Variants in LINGO2 observed in about 807,000 individuals in gnomAD.
LINGO2 encodes the protein leucine-rich repeat and immunoglobulin-like domain-containing nogo receptor-interacting protein 2.
Under a neutral mutation model 30.6 loss-of-function variants are expected in LINGO2, and 14 were observed. The ratio of observed to expected loss-of-function variants is 0.46; its 90% CI spans 0.30 to 0.72. The LOEUF (loss-of-function observed/expected upper bound fraction) is 0.72, where lower values mean the gene tolerates loss of function less well. Ranked by LOEUF, LINGO2 falls within the 30% of genes least tolerant of loss-of-function variation. LINGO2 has a pLI of 0.07. For missense variants in LINGO2, 729 were observed against 751.7 expected (o/e 0.97, Z 0.35); for synonymous variants, 317 against 288.5 (o/e 1.10, Z -1.00).
chr9:29,020,905 T>C, the LINGO2 span, among the ~76,000 whole-genome samples: 2 of 152,124 alleles, frequency 1.3e-5, no homozygotes, highest in Non-Finnish European at 2.9e-5. Context: ...CAAGGCATTT[T>C]TAAAATTAAA....
At chr9:28,262,009 A>G (rs1822579857) in intron 4 of LINGO2, among the ~76,000 whole-genome samples, 1 of 152,008 alleles carries the variant, frequency 6.6e-6, no homozygotes, top group African/African-American at 2.4e-5. Flanking sequence ...AGTTTGAATT[A>G]TATATTAAAT....
At chr9:28,889,498 ATG>A in the LINGO2 span, among the ~76,000 whole-genome samples, 1 of 152,032 alleles carries the variant, frequency 6.6e-6, no homozygotes, top group South Asian at 2.1e-4. Flanking sequence ...CTGGATATAA[ATG>A]TGTGATGATG....
intron 1 of LINGO2, among the ~76,000 whole-genome samples, chr9:28,545,469 A>G (rs554994982): frequency 6.6e-6 from 1 of 152,256 alleles, no homozygotes; most frequent in East Asian, 1.9e-4. Context: ...ATCTGCAAAA[A>G]TAAGTCTGGA....
chr9:28,167,565 T>G (rs1400419963), intron 4 of LINGO2, among the ~76,000 whole-genome samples: 1 of 152,182 alleles, frequency 6.6e-6, no homozygotes, highest in Non-Finnish European at 1.5e-5. Context: ...TTTGTTATTT[T>G]TAGTAGAGGT....
chr9:28,310,964 T>C (rs757646088), intron 3 of LINGO2, among the ~76,000 whole-genome samples: 40 of 152,312 alleles, frequency 2.6e-4, no homozygotes, highest in Non-Finnish European at 4.9e-4. Flanking sequence ...TCAACAATAC[T>C]AATATTGGGG....
chr9:28,738,065 G>A, the LINGO2 span, among the ~76,000 whole-genome samples: 1 of 152,084 alleles, frequency 6.6e-6, no homozygotes, highest in South Asian at 2.1e-4. Flanking sequence ...TCCCCTTCCT[G>A]AGGCATTAAC....
At chr9:28,057,602 C>CACATATATGTATATACATATATATAA (rs1824995331) in intron 4 of LINGO2, among the ~76,000 whole-genome samples, 1 of 146,836 alleles carries the variant, frequency 6.8e-6, no homozygotes, top group Non-Finnish European at 1.5e-5. Context: ...CATATATATA[C>CACATATATGTATATACATATATATAA]ACATATATGT....
At chr9:28,635,645 A>C (rs1221066315) in intron 1 of LINGO2, among the ~76,000 whole-genome samples, 3 of 152,176 alleles carry the variant, frequency 2.0e-5, no homozygotes, top group Admixed American at 2.0e-4. Context: ...TTACTAAATA[A>C]GGTTTAATTT....
At chr9:28,788,546 C>A in the LINGO2 span, among the ~76,000 whole-genome samples, 3 of 152,086 alleles carry the variant, frequency 2.0e-5, no homozygotes, top group African/African-American at 7.2e-5. Context: ...GAGAATTGCC[C>A]AAGACTGGGT....
At chr9:29,148,118 A>G in the LINGO2 span, among the ~76,000 whole-genome samples, 18 of 152,096 alleles carry the variant, frequency 1.2e-4, no homozygotes, top group African/African-American at 3.9e-4. Context: ...TCTAATAATG[A>G]CAATGTTGCT....
the LINGO2 span, among the ~76,000 whole-genome samples, chr9:28,736,591 G>T: frequency 6.6e-6 from 1 of 152,072 alleles, no homozygotes; most frequent in African/African-American, 2.4e-5. Context: ...AGGAGTTCGA[G>T]ACCACCCTGG....
At chr9:28,305,596 C>A (rs1030470033) in intron 3 of LINGO2, among the ~76,000 whole-genome samples, 18 of 151,848 alleles carry the variant, frequency 1.2e-4, no homozygotes, top group African/African-American at 4.1e-4. Context: ...TTGAAATTTA[C>A]ACAAAAAAGT....
the LINGO2 span, among the ~76,000 whole-genome samples, chr9:28,681,726 T>C: frequency 6.6e-6 from 1 of 152,222 alleles, no homozygotes; most frequent in East Asian, 1.9e-4. Context: ...TCCCAAACTG[T>C]GTTCCTTTAC....
intron 5 of LINGO2, among the ~76,000 whole-genome samples, chr9:28,002,095 T>G (rs1032910628): frequency 3.9e-5 from 6 of 152,322 alleles, no homozygotes; most frequent in Admixed American, 1.3e-4. Flanking sequence ...CCTAGACCGA[T>G]CAATCAGATT....
At chr9:28,386,019 A>G (rs1369342846) in intron 2 of LINGO2, among the ~76,000 whole-genome samples, 1 of 152,230 alleles carries the variant, frequency 6.6e-6, no homozygotes, top group African/African-American at 2.4e-5. Context: ...GAGGAATATC[A>G]ACAAGCATGA....
At chr9:28,542,822 G>A (rs1205687052) in intron 1 of LINGO2, among the ~76,000 whole-genome samples, 1 of 152,030 alleles carries the variant, frequency 6.6e-6, no homozygotes. Flanking sequence ...GCTGAGGTGA[G>A]TGAAACAGTG....
At chr9:28,790,259 C>G in the LINGO2 span, among the ~76,000 whole-genome samples, 1 of 151,392 alleles carries the variant, frequency 6.6e-6, no homozygotes, top group Non-Finnish European at 1.5e-5. Context: ...CAATAGTAGT[C>G]TAATGCTACC....
intron 4 of LINGO2, among the ~76,000 whole-genome samples, chr9:28,075,289 T>C (rs1266307040): frequency 6.6e-6 from 1 of 152,074 alleles, no homozygotes; most frequent in African/African-American, 2.4e-5. Flanking sequence ...CTGATATAAG[T>C]AGCTTATTCA....
the LINGO2 span, among the ~76,000 whole-genome samples, chr9:29,005,679 A>T: frequency 0.7 from 105,970 of 151,906 alleles, 37,782 homozygotes; most frequent in Non-Finnish European, 0.76. Flanking sequence ...CAAATCTTGC[A>T]GTGGCTCTGT....
Sources: gnomAD v4.1 joint callset for allele counts (sites outside exome capture counted in the v4.1 genomes callset) on GRCh38, gnomAD v4.1.1 for gene constraint, MANE v1.5 for transcripts, NCBI Gene and HGNC (gene_info 2026-07-23, HGNC 2026-07-21) for gene names.